Variants in CDH13 observed in about 807,000 individuals in gnomAD.
The protein encoded by CDH13 is cadherin-13.
CDH13 carries 24 observed loss-of-function variants against 63.8 expected under a neutral mutation model. That is an observed-to-expected ratio of 0.38 (90% CI 0.27 to 0.53). The LOEUF is 0.53. Ranked by LOEUF, CDH13 falls within the 20% of genes least tolerant of loss-of-function variation. The pLI is 0.85. For missense variants in CDH13, 1,049 were observed against 903.1 expected (o/e 1.16, Z -2.07); for synonymous variants, 503 against 355.3 (o/e 1.42, Z -4.67).
At chr16:82,962,325 A>G (rs915921692) in intron 2 of CDH13, among the ~76,000 whole-genome samples, 8 of 152,218 alleles carry the variant, frequency 5.3e-5, no homozygotes, top group Non-Finnish European at 1.2e-4. Context: ...GAAGCAAGGA[A>G]GGATCCTTTT....
chr16:83,045,132 G>C (rs1917660466), intron 3 of CDH13, among the ~76,000 whole-genome samples: 1 of 152,054 alleles, frequency 6.6e-6, no homozygotes, highest in Admixed American at 6.6e-5. Flanking sequence ...TCCTATTAGA[G>C]ATTAAATGAC....
At chr16:83,274,072 C>G (rs746260443) in intron 5 of CDH13, among the ~76,000 whole-genome samples, 2 of 152,212 alleles carry the variant, frequency 1.3e-5, no homozygotes, top group Non-Finnish European at 2.9e-5. Context: ...ACAGCCTCTT[C>G]AAGCCAATCT....
intron 4 of CDH13, among the ~76,000 whole-genome samples, chr16:83,205,603 C>CT (rs141688507): frequency 6.7e-5 from 7 of 104,406 alleles, no homozygotes; most frequent in African/African-American, 2.1e-4. Context: ...AGAGGAAAAC[C>CT]TTTTTTTTTT....
At chr16:82,710,070 A>C (rs2031792049) in intron 1 of CDH13, among the ~76,000 whole-genome samples, 1 of 150,694 alleles carries the variant, frequency 6.6e-6, no homozygotes, top group Non-Finnish European at 1.5e-5. Context: ...CACTACACAC[A>C]CACATACACA....
rs10652088 is a variant in CDH13, at chr16:82,969,478, C to CTTTTT, written c.158-62517_158-62513dup. ...TTTCTCTGGCTATTTTCTGCATATT[C>CTTTTT]TTTTTTTTTTTTTTTTTTTAAGCAG... is the stretch of plus-strand genomic sequence containing the variant. On this transcript the variant is annotated intron_variant, in intron 2 of 13. Transcript: ENST00000567109. 9.7e-4 allele frequency among the ~76,000 whole-genome samples: 127 copies of CTTTTT among 131,164 alleles called. 1 individual carries two copies. Among genetic ancestry groups the CTTTTT allele is most frequent in the Non-Finnish European group, 1.6e-3 (104 of 63,174 alleles). The allele number at this position is 131,164 out of a possible 152,430, so 86.0% of individuals were successfully genotyped here. A position where few individuals can be genotyped will look rare whatever the true frequency, so the allele number is the denominator to read the frequency against.
intron 5 of CDH13, among the ~76,000 whole-genome samples, chr16:83,249,580 G>A (rs1159509042): frequency 1.3e-5 from 2 of 152,192 alleles, no homozygotes; most frequent in African/African-American, 4.8e-5. Flanking sequence ...TTACAGGTAA[G>A]GCAAATGGGC....
chr16:83,572,341 A>G (rs1310832000), intron 7 of CDH13, among the ~76,000 whole-genome samples: 2 of 151,948 alleles, frequency 1.3e-5, no homozygotes, highest in Non-Finnish European at 2.9e-5. Flanking sequence ...GGGTTTCATC[A>G]TGTTGGTCAG....
intron 9 of CDH13, among the ~76,000 whole-genome samples, chr16:83,674,263 A>G (rs1161573996): frequency 1.3e-5 from 2 of 152,204 alleles, no homozygotes; most frequent in African/African-American, 4.8e-5. Context: ...GGTGGCAGAG[A>G]GCCAGCAGTG....
intron 10 of CDH13, among the ~76,000 whole-genome samples, chr16:83,713,444 A>G (rs1411614825): frequency 6.6e-6 from 1 of 151,670 alleles, no homozygotes; most frequent in Non-Finnish European, 1.5e-5. Context: ...AGGGAGGGAG[A>G]TTTTGAAGGG....
intron 1 of CDH13, among the ~76,000 whole-genome samples, chr16:82,736,093 T>G (rs943751452): frequency 4.3e-4 from 65 of 152,336 alleles, no homozygotes; most frequent in African/African-American, 1.3e-3. Context: ...CCCCTGAGTT[T>G]CCAAACTAGT....
At chr16:82,712,462 TAATA>T (rs1224243458) in intron 1 of CDH13, among the ~76,000 whole-genome samples, 9 of 152,142 alleles carry the variant, frequency 5.9e-5, no homozygotes, top group Non-Finnish European at 1.2e-4. Context: ...TTCTCCATGG[TAATA>T]AATCGTGCCT....
chr16:83,349,922 G>A (rs6563900), intron 6 of CDH13, among the ~76,000 whole-genome samples: 1 of 152,062 alleles, frequency 6.6e-6, no homozygotes. Flanking sequence ...TATTAAAGCA[G>A]CTCCCAGAGT....
intron 6 of CDH13, among the ~76,000 whole-genome samples, chr16:83,373,493 G>A (rs2091409109): frequency 6.6e-6 from 1 of 152,146 alleles, no homozygotes; most frequent in Non-Finnish European, 1.5e-5. Context: ...GAAAGAGTAA[G>A]GCATGATCTG....
chr16:82,710,552 A>AAAATAT (rs60196638), intron 1 of CDH13, among the ~76,000 whole-genome samples: 125 of 63,776 alleles, frequency 2.0e-3, no homozygotes, highest in Non-Finnish European at 1.9e-3. Context: ...AAAAAAAAAA[A>AAAATAT]ATATATATAT....
chr16:83,048,607 A>G (rs1026953131), intron 3 of CDH13, among the ~76,000 whole-genome samples: 1 of 151,926 alleles, frequency 6.6e-6, no homozygotes, highest in Non-Finnish European at 1.5e-5. Context: ...AGTTCATACC[A>G]TCCATTTCAG....
At chr16:83,301,121 T>G (rs1036537194) in intron 5 of CDH13, among the ~76,000 whole-genome samples, 5 of 138,152 alleles carry the variant, frequency 3.6e-5, no homozygotes, top group African/African-American at 1.3e-4. Context: ...AACCTCTGCC[T>G]CCGGGGTTCG....
At chr16:82,791,937 G>A (rs760124193) in intron 1 of CDH13, among the ~76,000 whole-genome samples, 18 of 152,098 alleles carry the variant, frequency 1.2e-4, no homozygotes, top group Non-Finnish European at 1.8e-4. Context: ...GGAGCGGCCC[G>A]CCCCATCTTG....
intron 3 of CDH13, among the ~76,000 whole-genome samples, chr16:83,101,657 C>G (rs1017413871): frequency 2.0e-5 from 3 of 151,960 alleles, no homozygotes; most frequent in Non-Finnish European, 4.4e-5. Flanking sequence ...AGCTGGGTGT[C>G]GTTTTGCATG....
chr16:83,090,305 G>A (rs1463697047), intron 3 of CDH13, among the ~76,000 whole-genome samples: 2 of 152,132 alleles, frequency 1.3e-5, no homozygotes, highest in Non-Finnish European at 2.9e-5. Context: ...GCCGGGCACG[G>A]TGGCTCATGC....
Sources: allele counts gnomAD v4.1 joint callset (sites outside exome capture counted in the v4.1 genomes callset), GRCh38; gene constraint gnomAD v4.1.1; transcripts MANE v1.5; gene names NCBI Gene and HGNC (gene_info 2026-07-23, HGNC 2026-07-21).